The following INSYN2A variants were observed in gnomAD, a reference collection of about 807,000 sequenced individuals.
The protein encoded by INSYN2A is family with sequence similarity 196 member A.
INSYN2A carries 17 observed loss-of-function variants against 39.4 expected under a neutral mutation model. That is an observed-to-expected ratio of 0.43 (90% CI 0.30 to 0.65). The LOEUF (loss-of-function observed/expected upper bound fraction) is 0.65, where lower values mean the gene tolerates loss of function less well. Ranked by LOEUF, INSYN2A falls within the 30% of genes least tolerant of loss-of-function variation. The probability of loss-of-function intolerance (pLI) is 0.14; values close to 1 mark genes in which losing one functional copy is unlikely to be tolerated. For synonymous variants in INSYN2A, 255 were observed against 265.7 expected (o/e 0.96, Z 0.39); for missense variants, 595 against 631.2 (o/e 0.94, Z 0.61).
chr10:127,195,391 C>T (rs984577836), intron 1 of INSYN2A, among the ~76,000 whole-genome samples: 9 of 152,182 alleles, frequency 5.9e-5, no homozygotes, highest in African/African-American at 2.2e-4. Context: ...GGCGCCGACC[C>T]CAACCCGCAG....
chr10:127,182,862 A>G (rs1053472405), intron 2 of INSYN2A, among the ~76,000 whole-genome samples: 1 of 152,120 alleles, frequency 6.6e-6, no homozygotes, highest in Non-Finnish European at 1.5e-5. Context: ...TAGTTACGAT[A>G]GCAGGTGTCC....
chr10:127,140,647 G>GGTTGAGTTTGACACACCGAGTCTCTGA (rs2051148122), intron 5 of INSYN2A, among the ~76,000 whole-genome samples: 1 of 150,546 alleles, frequency 6.6e-6, no homozygotes, highest in Non-Finnish European at 1.5e-5. Flanking sequence ...CAAGTCTCTG[G>GGTTGAGTTTGACACACCGAGTCTCTGA]GTTGAGTTTG....
intron 2 of INSYN2A, among the ~76,000 whole-genome samples, chr10:127,180,710 C>A (rs2055641825): frequency 6.6e-6 from 1 of 152,094 alleles, no homozygotes; most frequent in Non-Finnish European, 1.5e-5. Flanking sequence ...AACTTAATGG[C>A]TAACAATAGG....
At chr10:127,164,828 T>A (rs926777857) in intron 4 of INSYN2A, among the ~76,000 whole-genome samples, 1 of 152,224 alleles carries the variant, frequency 6.6e-6, no homozygotes, top group Non-Finnish European at 1.5e-5. Context: ...CTTCCTTCAT[T>A]CATGCAGTCA....
At chr10:127,160,530 T>A (rs1235488872) in intron 4 of INSYN2A, among the ~76,000 whole-genome samples, 1 of 152,194 alleles carries the variant, frequency 6.6e-6, no homozygotes, top group Non-Finnish European at 1.5e-5. Flanking sequence ...TTTAAATGCC[T>A]TGTTAATTTT....
intron 5 of INSYN2A, among the ~76,000 whole-genome samples, chr10:127,150,241 G>T (rs560971867): frequency 1.3e-5 from 2 of 152,116 alleles, no homozygotes; most frequent in Admixed American, 6.5e-5. Flanking sequence ...CTTTTCTACC[G>T]AAGAAACTTC....
chr10:127,177,950 A>G (rs1459694711), intron 2 of INSYN2A, among the ~76,000 whole-genome samples: 3 of 152,130 alleles, frequency 2.0e-5, no homozygotes, highest in Non-Finnish European at 4.4e-5. Context: ...CAGGAGCAGG[A>G]CCCTACTTTA....
At chr10:127,146,984 C>T (rs1161942415) in intron 5 of INSYN2A, among the ~76,000 whole-genome samples, 2 of 152,192 alleles carry the variant, frequency 1.3e-5, no homozygotes, top group Non-Finnish European at 1.5e-5. Flanking sequence ...TGCCAGTGTG[C>T]GTGATTTTAT....
chr10:127,187,728 GAGAA>G lies in INSYN2A; in HGVS notation c.-269+4873_-269+4876del, dbSNP rs199545105. Reference sequence around the variant, plus strand: ...CATTAAAAAACAAGGAGAAGAAAGAGAGAAAGAAAGAAAGAAAGAGAGAAAGAGA... The same window carrying G: ...CATTAAAAAACAAGGAGAAGAAAGAGAGAAAGAAAGAAAGAGAGAAAGAGA... On this transcript the variant is annotated intron_variant, in intron 2 of 5. Coordinates refer to ENST00000522781, the MANE Select transcript of INSYN2A (RefSeq NM_001039762.3). 6.9e-4 allele frequency among the ~76,000 whole-genome samples: 83 copies of G among 119,428 alleles called. 2 individuals are homozygous for G. The East Asian group carries it at 0.016, about 23-fold the overall frequency. The allele number at this position is 119,428 out of a possible 152,430, so 78.3% of individuals were successfully genotyped here. A position where few individuals can be genotyped will look rare whatever the true frequency, so the allele number is the denominator to read the frequency against.
At chr10:127,162,694 A>T (rs1050496856) in intron 4 of INSYN2A, among the ~76,000 whole-genome samples, 1 of 152,160 alleles carries the variant, frequency 6.6e-6, no homozygotes, top group African/African-American at 2.4e-5. Flanking sequence ...AAGCCTAGTT[A>T]TTTCTACTTA....
Position 127,175,656 on chromosome 10 carries a change from C to G in INSYN2A, c.740G>C (p.Arg247Thr). 1 of 1,613,560 alleles carries G rather than the reference C, an allele frequency of 6.2e-7. No individual in the cohort carries two copies. Among genetic ancestry groups the G allele is most frequent in the Non-Finnish European group, 8.5e-7 (1 of 1,179,960 alleles). ...SEEPAPPALR[R>T]VFKTEVATVY... is the part of the protein sequence containing the mutation. ...GGTGGCAACCTCCGTTTTAAACACC[C>G]TCCTGAGGGCAGGTGGAGCGGGCTC... Residue 247 changes from arginine to threonine, a missense_variant, in exon 4 of 6, where the codon AGG becomes ACG. By Grantham distance (71) the Arg-to-Thr change is moderately conservative. Transcript: ENST00000522781. The surrounding 1 kb of genome is among the most constrained non-coding windows in gnomAD (Gnocchi z 6.3).
chr10:127,143,935 C>G (rs971587863), intron 5 of INSYN2A, among the ~76,000 whole-genome samples: 1 of 152,200 alleles, frequency 6.6e-6, no homozygotes, highest in Non-Finnish European at 1.5e-5. Flanking sequence ...GCCTGCATCT[C>G]TGTCCTTCCA....
At chr10:127,139,394 TAAAA>T (rs537541750) in intron 5 of INSYN2A, among the ~76,000 whole-genome samples, 2 of 148,400 alleles carry the variant, frequency 1.3e-5, no homozygotes, top group African/African-American at 2.5e-5. Flanking sequence ...CTCAAAAAAT[TAAAA>T]AAAAAAATTG....
intron 2 of INSYN2A, among the ~76,000 whole-genome samples, chr10:127,181,124 G>T (rs1470298401): frequency 6.6e-6 from 1 of 152,222 alleles, no homozygotes; most frequent in Admixed American, 6.5e-5. Context: ...TTATTGTTTT[G>T]AGGGAGCCCT....
chr10:127,195,375 C>T (rs1203465250), intron 1 of INSYN2A, among the ~76,000 whole-genome samples: 1 of 152,188 alleles, frequency 6.6e-6, no homozygotes, highest in Admixed American at 6.5e-5. Flanking sequence ...CACCGGGAAG[C>T]CCCGCGGCGC....
At chr10:127,191,660 A>C (rs1413966878) in intron 2 of INSYN2A, among the ~76,000 whole-genome samples, 1 of 152,194 alleles carries the variant, frequency 6.6e-6, no homozygotes, top group Non-Finnish European at 1.5e-5. Context: ...ATCTCACATC[A>C]CCAGTGGAAT....
chr10:127,190,658 C>T lies in INSYN2A; in HGVS notation c.-269+1947G>A, dbSNP rs1471536298. ...TCACACTCAAATATTTAATAGAAAT[C>T]CTATCTTCCCCCCCCCCCCCCCCCC... On this transcript the variant is annotated intron_variant, in intron 2 of 5. Transcript: ENST00000522781. Among the ~76,000 whole-genome samples, 9 of 31,184 alleles carry T rather than the reference C, an allele frequency of 2.9e-4. 1 individual carries two copies. The highest frequency in any genetic ancestry group is 5.7e-4 in the Non-Finnish European group (7 of 12,212). 20.5% of individuals were successfully genotyped at this position (31,184 alleles called of 152,430 possible).
At chr10:127,193,849 C>T (rs1396366322) in intron 1 of INSYN2A, among the ~76,000 whole-genome samples, 1 of 152,180 alleles carries the variant, frequency 6.6e-6, no homozygotes, top group Admixed American at 6.5e-5. Context: ...CCGAAGTAAA[C>T]AGAGTAATAG....
chr10:127,151,066 T>C (rs1436172358), intron 5 of INSYN2A, among the ~76,000 whole-genome samples: 1 of 152,244 alleles, frequency 6.6e-6, no homozygotes, highest in Non-Finnish European at 1.5e-5. Context: ...GATTTTTCAA[T>C]TAATGGACCA....
Sources: gnomAD v4.1 joint callset for allele counts (sites outside exome capture counted in the v4.1 genomes callset) on GRCh38, gnomAD v4.1.1 for gene constraint, Gnocchi (gnomAD v3.1) non-coding constraint, MANE v1.5 for transcripts, NCBI Gene and HGNC (gene_info 2026-07-23, HGNC 2026-07-21) for gene names.